Variants in ZNF385D observed in about 807,000 individuals in gnomAD.
ZNF385D encodes the protein zinc finger protein 385D, also known as zinc finger protein 659.
In ZNF385D, 15 loss-of-function variants were observed where a neutral mutation model predicts 35.8. The observed-to-expected ratio is 0.42, with a 90% CI of 0.28 to 0.64. The LOEUF (loss-of-function observed/expected upper bound fraction) is 0.64. Among genes scored for constraint, ZNF385D ranks in the 30% least tolerant of loss-of-function variants. ZNF385D has a pLI of 0.23. For synonymous variants in ZNF385D, 212 were observed against 186.8 expected, an observed-to-expected ratio of 1.13 and a Z score of -1.10; for missense variants, 474 against 494.6, an observed-to-expected ratio of 0.96 and a Z score of 0.39.
chr3:21,711,089 T>G (rs1464034488), intron 1 of ZNF385D, among the ~76,000 whole-genome samples: 1 of 132,796 alleles, frequency 7.5e-6, no homozygotes, highest in Non-Finnish European at 1.6e-5. Context: ...TCGCCTAGGA[T>G]GGAGTGCAGT....
intron 4 of ZNF385D, chr3:21,443,142 A>C (rs1233721177): frequency 1.0e-6 from 1 of 985,226 alleles, no homozygotes; most frequent in African/African-American, 1.7e-5. Flanking sequence ...GCTGTGGAGA[A>C]ATCAAGTGCT....
intron 4 of ZNF385D, among the ~76,000 whole-genome samples, chr3:21,494,462 A>G (rs1012114919): frequency 2.0e-5 from 3 of 152,086 alleles, no homozygotes; most frequent in Non-Finnish European, 4.4e-5. Context: ...AGCAACCAAA[A>G]TTGGGGTTAG....
chr3:22,004,282 T>C (rs905057873), intron 3 of ZNF385D, among the ~76,000 whole-genome samples: 9 of 152,086 alleles, frequency 5.9e-5, no homozygotes, highest in Non-Finnish European at 1.2e-4. Flanking sequence ...ATTCAAAAAA[T>C]GACTCAAATT....
At chr3:21,634,204 TAGAA>T (rs903837108) in intron 2 of ZNF385D, among the ~76,000 whole-genome samples, 30 of 123,640 alleles carry the variant, frequency 2.4e-4, no homozygotes, top group South Asian at 7.5e-4. Context: ...CTCAAAAAAA[TAGAA>T]AGAAAGAGAG....
chr3:22,189,842 TGTGTCCTGTTGAAA>T (rs1362127587), intron 2 of ZNF385D, among the ~76,000 whole-genome samples: 2 of 152,162 alleles, frequency 1.3e-5, no homozygotes, highest in African/African-American at 4.8e-5. Context: ...TACATTGCCT[TGTGTCCTGTTGAAA>T]GTGTCCTGTT....
At chr3:21,654,929 C>T (rs772311293) in intron 2 of ZNF385D, among the ~76,000 whole-genome samples, 6 of 151,936 alleles carry the variant, frequency 3.9e-5, no homozygotes, top group Admixed American at 2.0e-4. Flanking sequence ...TTTACATTTA[C>T]GTTGGTGGGA....
chr3:21,443,450 A>T (rs1172501871), intron 4 of ZNF385D: 1 of 491,570 alleles, frequency 2.0e-6, no homozygotes, highest in Admixed American at 6.4e-5. Flanking sequence ...CATATACAGG[A>T]TGCTGTGTTA....
At chr3:22,187,512 A>G (rs1438185993) in intron 2 of ZNF385D, among the ~76,000 whole-genome samples, 1 of 152,104 alleles carries the variant, frequency 6.6e-6, no homozygotes, top group Non-Finnish European at 1.5e-5. Flanking sequence ...ACAAAGACAT[A>G]TATGTACTTT....
intron 3 of ZNF385D, among the ~76,000 whole-genome samples, chr3:22,079,735 G>A (rs745584318): frequency 2.6e-5 from 4 of 151,890 alleles, no homozygotes; most frequent in Non-Finnish European, 5.9e-5. Context: ...TTGAAGGATG[G>A]TTTTTTCCTT....
At chr3:21,528,208 A>AT (rs1305500450) in intron 3 of ZNF385D, among the ~76,000 whole-genome samples, 1 of 152,114 alleles carries the variant, frequency 6.6e-6, no homozygotes, top group African/African-American at 2.4e-5. Context: ...AAATAGAAGT[A>AT]TTTTTCTGAC....
rs142689688 is a variant in ZNF385D, at chr3:21,601,751, A to G, written c.166-37067T>C. 3.8e-3 allele frequency among the ~76,000 whole-genome samples: 579 copies of G among 152,236 alleles called. 3 individuals are homozygous for G. The highest frequency in any genetic ancestry group is 0.013 in the African/African-American group (558 of 41,524). ...TTTCGTTAGTGATAAAGACATCGTC[A>G]CCCTTTGAGATGATTTTAGCAGTCC... On this transcript the variant is annotated intron_variant, in intron 2 of 7. Transcript: ENST00000281523.
At chr3:21,532,015 C>T (rs1272190075) in intron 3 of ZNF385D, among the ~76,000 whole-genome samples, 1 of 152,036 alleles carries the variant, frequency 6.6e-6, no homozygotes, top group Non-Finnish European at 1.5e-5. Context: ...AATCTCTGTA[C>T]CTTCTGCTTA....
At chr3:21,842,862 A>AT (rs1201815650) in intron 3 of ZNF385D, among the ~76,000 whole-genome samples, 4 of 151,968 alleles carry the variant, frequency 2.6e-5, no homozygotes. Flanking sequence ...AAATAAGATC[A>AT]TTTTGGTCTC....
rs150484912 is a variant in ZNF385D at position 21,692,994 on chromosome 3, T to C, written c.23-27966A>G. Among the ~76,000 whole-genome samples the C allele has an allele frequency of 3.3e-5, 5 of 152,300 alleles. No individual in the cohort carries two copies. In the East Asian group the frequency reaches 7.7e-4, roughly 24 times the overall value. On this transcript the variant is annotated intron_variant, in intron 1 of 7. Transcript: ENST00000281523. The stretch of plus-strand genomic sequence containing the variant: ...AGAAAATTTATTTATTGGACATTTA[T>C]TGTGAGTTCCTAATAACCTCTTTGC...
At chr3:21,534,146 T>G (rs963182280) in intron 3 of ZNF385D, among the ~76,000 whole-genome samples, 26 of 151,804 alleles carry the variant, frequency 1.7e-4, no homozygotes, top group African/African-American at 6.0e-4. Context: ...AAAAACTTAC[T>G]CAAAAATCAC....
At chr3:22,124,068 C>A (rs1703281223) in intron 3 of ZNF385D, among the ~76,000 whole-genome samples, 1 of 150,350 alleles carries the variant, frequency 6.7e-6, no homozygotes, top group African/African-American at 2.4e-5. Flanking sequence ...TGTGCATTAA[C>A]CATTCCCATT....
chr3:21,867,741 GTAA>G (rs1697450708), intron 3 of ZNF385D, among the ~76,000 whole-genome samples: 1 of 34,564 alleles, frequency 2.9e-5, no homozygotes, highest in South Asian at 1.3e-3. Flanking sequence ...AGTAGGAAAA[GTAA>G]AAAAAAAAAA....
intron 2 of ZNF385D, among the ~76,000 whole-genome samples, chr3:22,363,644 G>A (rs1696519011): frequency 1.3e-5 from 2 of 151,986 alleles, no homozygotes; most frequent in Non-Finnish European, 2.9e-5. Flanking sequence ...GCTTCTTTGG[G>A]TCTAATGGCT....
At chr3:22,105,167 G>C (rs1293462512) in intron 3 of ZNF385D, among the ~76,000 whole-genome samples, 1 of 152,022 alleles carries the variant, frequency 6.6e-6, no homozygotes, top group East Asian at 1.9e-4. Flanking sequence ...TGGGAAGTAG[G>C]CAGAAGGGAT....
Sources: allele counts gnomAD v4.1 joint callset (sites outside exome capture counted in the v4.1 genomes callset), GRCh38; gene constraint gnomAD v4.1.1; transcripts MANE v1.5; gene names NCBI Gene and HGNC (gene_info 2026-07-23, HGNC 2026-07-21).